Variants in PELI1 observed in about 807,000 individuals in gnomAD.
PELI1 encodes E3 ubiquitin-protein ligase pellino homolog 1.
Under a neutral mutation model 41.3 loss-of-function variants are expected in PELI1, and 15 were observed. The observed-to-expected ratio is 0.36, with a 90% CI of 0.24 to 0.56. The LOEUF (loss-of-function observed/expected upper bound fraction) is 0.56. PELI1 is among the 20% of genes least tolerant of loss of function. The pLI is 0.82. For synonymous variants in PELI1, 178 were observed against 180.1 expected, an observed-to-expected ratio of 0.99 and a Z score of 0.09; for missense variants, 403 against 525.5, an observed-to-expected ratio of 0.77 and a Z score of 2.28.
intron 6 of PELI1, among the ~76,000 whole-genome samples, chr2:64,095,569 A>C (rs565539041): frequency 6.6e-6 from 1 of 152,358 alleles, no homozygotes; most frequent in South Asian, 2.1e-4. Context: ...TACAGATGGC[A>C]ACAGAAAAGA....
At chr2:64,108,190 G>C in intron 2 of PELI1, 50 bp downstream of exon 2, 2 of 1,020,552 alleles carry the variant, frequency 2.0e-6, no homozygotes, top group Non-Finnish European at 3.0e-6. Flanking sequence ...AGATGCCAAA[G>C]TTAGCATATA....
intron 1 of PELI1, among the ~76,000 whole-genome samples, chr2:64,112,430 GAAC>G (rs1353852776): frequency 6.6e-6 from 1 of 151,696 alleles, no homozygotes; most frequent in Non-Finnish European, 1.5e-5. Context: ...TATAGCAAAA[GAAC>G]AATTTTTTTG....
Position 64,144,379 on chromosome 2 carries a change from C to T in PELI1, c.-368G>A, listed in dbSNP as rs909095182. 1 of 152,168 alleles carries T rather than the reference C, an allele frequency of 6.6e-6. No individual in the cohort carries two copies. The highest frequency in any genetic ancestry group is 2.4e-5 in the African/African-American group (1 of 41,346). 9.4% of individuals were successfully genotyped at this position (152,168 alleles called of 1,614,324 possible). A position where few individuals can be genotyped will look rare whatever the true frequency, so the allele number is the denominator to read the frequency against. On this transcript the variant is annotated 5_prime_UTR_variant, in exon 1 of 7. Transcript: ENST00000358912. ...GCTGCTAGTGGAGGCGGCGGCGGCG[C>T]CCCCCGACGGTCCCTCCGCCTCACA...
chr2:64,128,415 C>T (rs1479677207), intron 1 of PELI1, among the ~76,000 whole-genome samples: 1 of 151,980 alleles, frequency 6.6e-6, no homozygotes, highest in Non-Finnish European at 1.5e-5. Flanking sequence ...ATATATTTTT[C>T]TCCTTTTGAA....
intron 1 of PELI1, among the ~76,000 whole-genome samples, chr2:64,131,514 C>A (rs1015643911): frequency 1.1e-4 from 16 of 152,086 alleles, no homozygotes; most frequent in African/African-American, 3.6e-4. Flanking sequence ...GTTCAATCCT[C>A]AGATGCAGAT....
intron 1 of PELI1, among the ~76,000 whole-genome samples, chr2:64,116,170 GT>G (rs777330838): frequency 2.6e-5 from 4 of 152,168 alleles, no homozygotes; most frequent in African/African-American, 4.8e-5. Context: ...AAGGAGAGCT[GT>G]TTATATAGTC....
chr2:64,140,786 G>GAAAAAAAAAAAA (rs1256227676), intron 1 of PELI1, among the ~76,000 whole-genome samples: 1 of 16,730 alleles, frequency 6.0e-5, no homozygotes, highest in African/African-American at 9.5e-4. Flanking sequence ...AAGACAACAT[G>GAAAAAAAAAAAA]CAAAAAAAAA....
In PELI1 at chr2:64,144,146, T is replaced by C. The variant is rs1682026453; in HGVS notation, c.-135A>G. The C allele has an allele frequency of 1.3e-5, 2 of 151,116 alleles. No individual in the cohort carries two copies. The highest frequency in any genetic ancestry group is 2.1e-4 in the South Asian group (1 of 4,764). 9.4% of individuals were successfully genotyped at this position (151,116 alleles called of 1,614,324 possible). On this transcript the variant is annotated 5_prime_UTR_variant, in exon 1 of 7. Transcript: ENST00000358912. ...AGACCCGAGGCGAGAGGGTGAAGTGTTGTGCGCGGGGAGCGCGAGCAGACA... is the reference window on the plus strand; with the variant it reads ...AGACCCGAGGCGAGAGGGTGAAGTGCTGTGCGCGGGGAGCGCGAGCAGACA...
At chr2:64,126,575 T>A (rs1240047542) in intron 1 of PELI1, among the ~76,000 whole-genome samples, 1 of 152,212 alleles carries the variant, frequency 6.6e-6, no homozygotes, top group African/African-American at 2.4e-5. Context: ...GTATTCAAAC[T>A]AATGCAAAAG....
At chr2:64,124,062 C>T (rs1681309139) in intron 1 of PELI1, among the ~76,000 whole-genome samples, 1 of 152,074 alleles carries the variant, frequency 6.6e-6, no homozygotes, top group Non-Finnish European at 1.5e-5. Flanking sequence ...TGTATGATTC[C>T]ATTTATATGA....
chr2:64,119,881 T>G (rs1681148254), intron 1 of PELI1, among the ~76,000 whole-genome samples: 1 of 152,168 alleles, frequency 6.6e-6, no homozygotes, highest in African/African-American at 2.4e-5. Context: ...ACTCAATCTG[T>G]TAAGCAACAC....
At chr2:64,140,809 A>AAAAC (rs1681883960) in intron 1 of PELI1, among the ~76,000 whole-genome samples, 1 of 133,984 alleles carries the variant, frequency 7.5e-6, no homozygotes, top group African/African-American at 2.9e-5. Context: ...ACAAACAAAC[A>AAAAC]AAAAAAAACC....
chr2:64,101,824 AT>A (rs34370706), intron 3 of PELI1, among the ~76,000 whole-genome samples: 30,333 of 120,670 alleles, frequency 0.25, 2,758 homozygotes, highest in East Asian at 0.65. Flanking sequence ...TTTGCTTCTG[AT>A]TTTTTTTTTT....
intron 1 of PELI1, among the ~76,000 whole-genome samples, chr2:64,120,735 T>C (rs1235697993): frequency 3.3e-5 from 5 of 152,230 alleles, no homozygotes; most frequent in Non-Finnish European, 7.3e-5. Flanking sequence ...GTGTCCTTGG[T>C]GATCTTAATT....
chr2:64,137,838 C>T (rs1452016033), intron 1 of PELI1, among the ~76,000 whole-genome samples: 4 of 152,176 alleles, frequency 2.6e-5, no homozygotes, highest in South Asian at 2.1e-4. Flanking sequence ...GCTATTTTCA[C>T]GTGTGGCTCT....
chr2:64,113,113 T>C (rs1006365478), intron 1 of PELI1, among the ~76,000 whole-genome samples: 2 of 151,122 alleles, frequency 1.3e-5, no homozygotes, highest in Non-Finnish European at 2.9e-5. Flanking sequence ...CTCCCGTCTC[T>C]ACAAAAGATT....
In PELI1 at chr2:64,104,796, T is replaced by G; in HGVS notation, c.106A>C (p.Arg36=). ...AACAAAGCAAACCTACTTTTCCTCC[T>G]TCCTCTATCGCCATTTGGGAGAGAC... ...NGSLPNGDRG[R]RKSRFALFKR... Residue 36 remains arginine, a synonymous_variant, in exon 3 of 7, where the codon AGG becomes CGG. Transcript: ENST00000358912. 6.2e-7 allele frequency: 1 copy of G among 1,613,536 alleles called. No homozygotes were observed. Among genetic ancestry groups the G allele is most frequent in the East Asian group, 2.2e-5 (1 of 44,834 alleles).
chr2:64,126,172 T>C (rs572233628), intron 1 of PELI1, among the ~76,000 whole-genome samples: 1 of 151,692 alleles, frequency 6.6e-6, no homozygotes, highest in African/African-American at 2.4e-5. Flanking sequence ...GTGGTCTCCC[T>C]ATTTTTTTTT....
chr2:64,098,634 G>C (rs1456171215), intron 4 of PELI1, among the ~76,000 whole-genome samples: 1 of 152,158 alleles, frequency 6.6e-6, no homozygotes, highest in Non-Finnish European at 1.5e-5. Context: ...ACAGCACCTA[G>C]GCATGTAATC....
Sources: allele counts gnomAD v4.1 joint callset (sites outside exome capture counted in the v4.1 genomes callset), GRCh38; gene constraint gnomAD v4.1.1; transcripts MANE v1.5; gene names NCBI Gene and HGNC (gene_info 2026-07-23, HGNC 2026-07-21).